PAQR4: variants seen among roughly 807,000 people sequenced by gnomAD.
PAQR4 encodes the protein progestin and adipoQ receptor family member IV.
In PAQR4, 26 loss-of-function variants were observed where a neutral mutation model predicts 20.9. The observed-to-expected ratio is 1.24, with a 90% CI of 0.91 to 1.73. PAQR4 has a LOEUF of 1.73. Among genes scored for constraint, PAQR4 ranks in the 40% most tolerant of loss-of-function variants. PAQR4 has a pLI of 0.00. For missense variants in PAQR4, 400 were observed against 380.1 expected (o/e 1.05, Z -0.44); for synonymous variants, 193 against 171.6 (o/e 1.12, Z -0.97).
Position 2,969,637 on chromosome 16 carries a change from G to T in PAQR4, c.-38G>T. 1 of 1,463,062 alleles carries T rather than the reference G, an allele frequency of 6.8e-7. No homozygotes were observed. Among genetic ancestry groups the T allele is most frequent in the South Asian group, 1.4e-5 (1 of 72,940 alleles). The allele number at this position is 1,463,062 out of a possible 1,614,324, so 90.6% of individuals were successfully genotyped here. ...CGGCCCCACTGAGGAGGAGGCTCGG[G>T]GACAGCAGGAGCACGGGCTGCCCGC... On this transcript the variant is annotated 5_prime_UTR_variant, in exon 1 of 3. Transcript: ENST00000318782.
Position 2,972,046 on chromosome 16 carries a change from C to G in PAQR4, c.*98C>G. The G allele has an allele frequency of 3.3e-6, 4 of 1,226,130 alleles. No individual in the cohort carries two copies. Among genetic ancestry groups the G allele is most frequent in the Non-Finnish European group, 1.1e-6 (1 of 903,908 alleles). 76.0% of individuals were successfully genotyped at this position (1,226,130 alleles called of 1,614,324 possible). A position where few individuals can be genotyped will look rare whatever the true frequency, so the allele number is the denominator to read the frequency against. On this transcript the variant is annotated 3_prime_UTR_variant, in exon 3 of 3. Transcript: ENST00000318782. Reference sequence around the variant, plus strand: ...AAGGGGCTGGCTCCTTGGATGCTTCCAGCTCATGAGATGTCTCAGCAGGAG... The same window carrying G: ...AAGGGGCTGGCTCCTTGGATGCTTCGAGCTCATGAGATGTCTCAGCAGGAG...
Position 2,972,391 on chromosome 16 carries a change from C to G in PAQR4, c.*443C>G, listed in dbSNP as rs2151065194. On this transcript the variant is annotated 3_prime_UTR_variant, in exon 3 of 3. Transcript: ENST00000318782. The stretch of plus-strand genomic sequence containing the variant: ...TTTCTGCCCTGCATACCAGCCCTCC[C>G]AGCAGCCACAAGCTTGCCCGCCCTG... 1.8e-6 allele frequency: 1 copy of G among 552,884 alleles called. No homozygotes were observed. Among genetic ancestry groups the G allele is most frequent in the East Asian group, 3.0e-5 (1 of 33,000 alleles). 34.2% of individuals were successfully genotyped at this position (552,884 alleles called of 1,614,324 possible).
Position 2,971,937 on chromosome 16 carries a change from C to T in PAQR4, c.811C>T (p.Pro271Ser), listed in dbSNP as rs767939461. 8 of 1,587,204 alleles carry T rather than the reference C, an allele frequency of 5.0e-6. No homozygotes were observed. The East Asian group carries it at 1.8e-4, about 36-fold the overall frequency. The change falls in exon 3 of 3, where the codon CCC becomes TCC. Residue 271 changes from proline (P) to serine (S), a missense_variant. Physicochemically the swap from Pro to Ser is moderately conservative, Grantham distance 74 (BLOSUM62 -1). Coordinates refer to ENST00000318782, the MANE Select transcript of PAQR4 (RefSeq NM_152341.5). ...DLLWAAHHAC[P>S]RD ...GCTCTGGGCTGCCCACCACGCCTGT[C>T]CCCGGGACTGAGCTGCCATGCCAGC...
chr16:2,972,911 C>G lies in PAQR4; in HGVS notation c.*963C>G. ...CAGCTTTCAAGGGCGACGGGAGAGA[C>G]ACAGGATAAAAGGTTAAAAGTGCAG... On this transcript the variant is annotated 3_prime_UTR_variant, in exon 3 of 3. Coordinates refer to ENST00000318782, the MANE Select transcript of PAQR4 (RefSeq NM_152341.5). The G allele has an allele frequency of 8.3e-6, 13 of 1,566,660 alleles. No homozygotes were observed. The highest frequency in any genetic ancestry group is 1.1e-5 in the Non-Finnish European group (13 of 1,153,736).
rs1217024599 is a variant in PAQR4, at chr16:2,969,452, C to G, written c.-223C>G. The G allele has an allele frequency of 2.2e-5, 6 of 278,374 alleles. No homozygotes were observed. The Admixed American group carries it at 2.2e-4, about 10-fold the overall frequency. 17.2% of individuals were successfully genotyped at this position (278,374 alleles called of 1,614,324 possible). On this transcript the variant is annotated 5_prime_UTR_variant, in exon 1 of 3. Coordinates refer to ENST00000318782, the MANE Select transcript of PAQR4 (RefSeq NM_152341.5). ...GTGCGCTCAGGCGTCCGGTGCGTCC[C>G]CAGCCTCCGCCCCGGCGCGGGGGCG...
In PAQR4 at chr16:2,971,737, C is replaced by T; in HGVS notation, c.611C>T (p.Pro204Leu). Residue 204 changes from proline (P) to leucine (L), a missense_variant, in exon 3 of 3, where the codon CCC (proline) becomes CTC (leucine). Coordinates refer to ENST00000318782, the MANE Select transcript of PAQR4 (RefSeq NM_152341.5). ...GGTTCAGGGGCTCCAGGCTCCCTGCCCTGCTACCTGCGCATGGACGCACTG... is the reference window on the plus strand; with the variant it reads ...GGTTCAGGGGCTCCAGGCTCCCTGCTCTGCTACCTGCGCATGGACGCACTG... ...GLGSGAPGSL[P>L]CYLRMDALAL... The T allele has an allele frequency of 6.2e-7, 1 of 1,612,732 alleles. No homozygotes were observed. The highest frequency in any genetic ancestry group is 8.5e-7 in the Non-Finnish European group (1 of 1,179,774).
Position 2,970,000 on chromosome 16 carries a change from GCC to G in PAQR4, c.166+161_166+162del. On this transcript the variant is annotated intron_variant, in intron 1 of 2. Coordinates refer to ENST00000318782, the MANE Select transcript of PAQR4 (RefSeq NM_152341.5). Reference sequence around the variant, plus strand: ...GGTGACAAAGCTGCCATTGTCCCGGGCCGCGCTGCCAGCTTCCGTTTTCCCGG... The same window carrying G: ...GGTGACAAAGCTGCCATTGTCCCGGGGCGCTGCCAGCTTCCGTTTTCCCGG... 4.0e-6 allele frequency: 4 copies of G among 999,466 alleles called. No homozygotes were observed. In the East Asian group the frequency reaches 8.4e-5, roughly 21 times the overall value. The allele number at this position is 999,466 out of a possible 1,614,324, so 61.9% of individuals were successfully genotyped here. A position where few individuals can be genotyped will look rare whatever the true frequency, so the allele number is the denominator to read the frequency against.
rs1313631986 is a variant in PAQR4, at chr16:2,971,963, C to T, written c.*15C>T. 2 of 1,563,386 alleles carry T rather than the reference C, an allele frequency of 1.3e-6. No individual in the cohort carries two copies. The highest frequency in any genetic ancestry group is 4.5e-5 in the East Asian group (2 of 44,338). ...CCCGGGACTGAGCTGCCATGCCAGC[C>T]TGCCCACAGCAGCCTCCTAGAGTTA... On this transcript the variant is annotated 3_prime_UTR_variant, in exon 3 of 3. Transcript: ENST00000318782.
At position 2,971,421 on chromosome 16, in the gene PAQR4, G is replaced by A. The variant is rs2151063559; in HGVS notation, c.388+43G>A. On this transcript the variant is annotated intron_variant, in intron 2 of 2. Coordinates refer to ENST00000318782, the MANE Select transcript of PAQR4 (RefSeq NM_152341.5). ...GGATGGGAGCTGGAGCCACCGGCGG[G>A]AGAGGCATGGGGCACGCATACAAGC... 4 of 1,592,060 alleles carry A rather than the reference G, an allele frequency of 2.5e-6. No homozygotes were observed. The Middle Eastern group carries it at 5.0e-4, about 198-fold the overall frequency.
Position 2,972,079 on chromosome 16 carries a change from C to T in PAQR4, c.*131C>T, listed in dbSNP as rs963746980. ...GAGATGTCTCAGCAGGAGCCCTGTT[C>T]ACCCGTTCTTCCCTGTGGACTGACC... is the stretch of plus-strand genomic sequence containing the variant. On this transcript the variant is annotated 3_prime_UTR_variant, in exon 3 of 3. Coordinates refer to ENST00000318782, the MANE Select transcript of PAQR4 (RefSeq NM_152341.5). 6.3e-6 allele frequency: 6 copies of T among 954,274 alleles called. No individual in the cohort carries two copies. In the South Asian group the frequency reaches 8.8e-5, roughly 14 times the overall value. The allele number at this position is 954,274 out of a possible 1,614,324, so 59.1% of individuals were successfully genotyped here. A position where few individuals can be genotyped will look rare whatever the true frequency, so the allele number is the denominator to read the frequency against.
rs1269277622 is a variant in PAQR4 at position 2,971,631 on chromosome 16, TC to T, written c.507del (p.Thr170ProfsTer50). The T allele has an allele frequency of 3.1e-6, 5 of 1,607,286 alleles. No individual in the cohort carries two copies. Among genetic ancestry groups the T allele is most frequent in the Non-Finnish European group, 4.2e-6 (5 of 1,179,856 alleles). ...CGGCTGGCGTGCTCTCACCGCCCCC[TC>T]CACCAGTGCTCGGCTCCGGGCATTT... Reference protein sequence around the residue: ...VAGWRALTAPSTSARLRAFGW... With the variant: ...VAGWRALTAPXTSARLRAFGW... On this transcript the variant is annotated frameshift_variant, in exon 3 of 3. Transcript: ENST00000318782. LOFTEE classifies it high-confidence loss of function.
At position 2,972,892 on chromosome 16, in the gene PAQR4, T is replaced by C; in HGVS notation, c.*944T>C. 6.5e-7 allele frequency: 1 copy of C among 1,548,392 alleles called. No individual in the cohort carries two copies. The highest frequency in any genetic ancestry group is 8.8e-7 in the Non-Finnish European group (1 of 1,141,816). On this transcript the variant is annotated 3_prime_UTR_variant, in exon 3 of 3. Transcript: ENST00000318782. ...GGGAGTTCCCGAGGGGCCCCAGCTT[T>C]CAAGGGCGACGGGAGAGACACAGGA...
At position 2,973,352 on chromosome 16, in the gene PAQR4, T is replaced by G; in HGVS notation, c.*1404T>G. 1 of 1,542,980 alleles carries G rather than the reference T, an allele frequency of 6.5e-7. No homozygotes were observed. Among genetic ancestry groups the G allele is most frequent in the Non-Finnish European group, 8.7e-7 (1 of 1,145,938 alleles). On this transcript the variant is annotated 3_prime_UTR_variant, in exon 3 of 3. Coordinates refer to ENST00000318782, the MANE Select transcript of PAQR4 (RefSeq NM_152341.5). ...GCCACAGTCAGGGACAATAAAAACT[T>G]GGTGCACTCTGAAAGCAGCACTTGG...
At position 2,972,880 on chromosome 16, in the gene PAQR4, G is replaced by A. The variant is rs1275917970; in HGVS notation, c.*932G>A. 3 of 1,541,518 alleles carry A rather than the reference G, an allele frequency of 1.9e-6. No homozygotes were observed. The East Asian group carries it at 7.0e-5, about 36-fold the overall frequency. ...AGAGAAGACCATGGGAGTTCCCGAG[G>A]GGCCCCAGCTTTCAAGGGCGACGGG... On this transcript the variant is annotated 3_prime_UTR_variant, in exon 3 of 3. Transcript: ENST00000318782.
At chr16:2,970,711 G>A (rs2071961787) in intron 1 of PAQR4, among the ~76,000 whole-genome samples, 1 of 152,232 alleles carries the variant, frequency 6.6e-6, no homozygotes. Flanking sequence ...GACTTGGGTT[G>A]GGAAGAGCAA....
In PAQR4 at chr16:2,973,011, G is replaced by A. The variant is rs1217444708; in HGVS notation, c.*1063G>A. Reference sequence around the variant, plus strand: ...GAGGAGGTTCCGAGGCTCAAAGGAGGGGAAGGAGCCCCGAGGAGGCTCTGA... The same window carrying A: ...GAGGAGGTTCCGAGGCTCAAAGGAGAGGAAGGAGCCCCGAGGAGGCTCTGA... On this transcript the variant is annotated 3_prime_UTR_variant, in exon 3 of 3. Coordinates refer to ENST00000318782, the MANE Select transcript of PAQR4 (RefSeq NM_152341.5). The A allele has an allele frequency of 6.2e-7, 1 of 1,610,682 alleles. No homozygotes were observed. The highest frequency in any genetic ancestry group is 1.1e-5 in the South Asian group (1 of 89,916).
Position 2,969,689 on chromosome 16 carries a change from C to T in PAQR4, c.15C>T (p.Ala5=), listed in dbSNP as rs771217148. ...CGGTGCGGACCATGGCGTTCCTGGC[C>T]GGGCCGCGCCTGCTGGACTGGGCCA... MAFL[A]GPRLLDWASS... Residue 5 remains alanine (A), a synonymous_variant, in exon 1 of 3, where the codon GCC becomes GCT. Transcript: ENST00000318782. 5.1e-6 allele frequency: 8 copies of T among 1,576,190 alleles called. No homozygotes were observed. The East Asian group carries it at 1.4e-4, about 28-fold the overall frequency.
In PAQR4 at chr16:2,971,921, T is replaced by C; in HGVS notation, c.795T>C (p.Ala265=). ...GCGTCGTGCCCGACCTGCTCTGGGCTGCCCACCACGCCTGTCCCCGGGACT... is the reference window on the plus strand; with the variant it reads ...GCGTCGTGCCCGACCTGCTCTGGGCCGCCCACCACGCCTGTCCCCGGGACT... ...HAGVVPDLLW[A]AHHACPRD is the part of the protein sequence containing the mutation. Residue 265 remains alanine (A), a synonymous_variant, in exon 3 of 3, where the codon GCT becomes GCC. Coordinates refer to ENST00000318782, the MANE Select transcript of PAQR4 (RefSeq NM_152341.5). The C allele has an allele frequency of 1.3e-6, 2 of 1,599,432 alleles. No individual in the cohort carries two copies. Among genetic ancestry groups the C allele is most frequent in the Non-Finnish European group, 1.7e-6 (2 of 1,177,174 alleles).
In PAQR4 at chr16:2,971,856, C is replaced by T. The variant is rs1386677621; in HGVS notation, c.730C>T (p.His244Tyr). 6 of 1,612,256 alleles carry T rather than the reference C, an allele frequency of 3.7e-6. No homozygotes were observed. The East Asian group carries it at 6.7e-5, about 18-fold the overall frequency. Residue 244 changes from histidine (H) to tyrosine (Y), a missense_variant, in exon 3 of 3, where the codon CAC (histidine) becomes TAC (tyrosine). Physicochemically the swap from His to Tyr is moderately conservative, Grantham distance 83 (BLOSUM62 2). Transcript: ENST00000318782. Reference sequence around the variant, plus strand: ...CTGGGGCAACTCCCACCAGATCATGCACCTGCTGAGCGTGGGCTCCATCCT... The same window carrying T: ...CTGGGGCAACTCCCACCAGATCATGTACCTGCTGAGCGTGGGCTCCATCCT... The part of the protein sequence containing the change: ...DYWGNSHQIM[H>Y]LLSVGSILQL...
Sources: gnomAD v4.1 joint callset for allele counts (sites outside exome capture counted in the v4.1 genomes callset) on GRCh38, gnomAD v4.1.1 for gene constraint, MANE v1.5 for transcripts, NCBI Gene and HGNC (gene_info 2026-07-23, HGNC 2026-07-21) for gene names.